The following PUF60 variants were observed in gnomAD, a reference collection of about 807,000 sequenced individuals.
The protein encoded by PUF60 is poly(U) binding splicing factor 60.
A neutral mutation model predicts 61.8 loss-of-function variants in PUF60; 10 were observed. That is an observed-to-expected ratio of 0.16 (90% CI 0.10 to 0.27). The LOEUF (loss-of-function observed/expected upper bound fraction) is 0.27, where lower values mean the gene tolerates loss of function less well. Among genes scored for constraint, PUF60 ranks in the 10% least tolerant of loss-of-function variants. The pLI is 1.00. For missense variants in PUF60, 371 were observed against 754.0 expected, an observed-to-expected ratio of 0.49 and a Z score of 5.95; for synonymous variants, 353 against 300.9, an observed-to-expected ratio of 1.17 and a Z score of -1.79.
intron 1 of PUF60, among the ~76,000 whole-genome samples, chr8:143,826,403 G>GA (rs762924922): frequency 1.9e-3 from 293 of 152,054 alleles, no homozygotes; most frequent in Non-Finnish European, 3.1e-3. Context: ...CTGTCTCTAT[G>GA]AAAAAAAAGA....
intron 1 of PUF60, chr8:143,829,045 C>CCCCCG (rs1228159479): frequency 5.3e-5 from 54 of 1,010,702 alleles, no homozygotes; most frequent in Admixed American, 2.9e-4. Context: ...CGCGCCCAGG[C>CCCCCG]CCCCGCCCCG....
At chr8:143,816,859 G>A (rs368361756) in intron 11 of PUF60, 40 bp from the exon 12 acceptor site, 74 of 1,597,762 alleles carry the variant, frequency 4.6e-5, no homozygotes, top group East Asian at 2.7e-4. Flanking sequence ...TGAGCACTGC[G>A]GCCCCGCCCC....
chr8:143,829,045 C>CCCCG, intron 1 of PUF60: 1 of 1,010,702 alleles, frequency 9.9e-7, no homozygotes, highest in Non-Finnish European at 1.2e-6. Flanking sequence ...CGCGCCCAGG[C>CCCCG]CCCCGCCCCG....
At chr8:143,825,528 CTTT>C (rs775480061) in intron 1 of PUF60, among the ~76,000 whole-genome samples, 1 of 147,706 alleles carries the variant, frequency 6.8e-6, no homozygotes, top group Non-Finnish European at 1.5e-5. Flanking sequence ...GAGGCTGCCT[CTTT>C]TTTTTTTTTG....
At chr8:143,823,569 T>A (rs1175631260) in intron 2 of PUF60, among the ~76,000 whole-genome samples, 1 of 152,240 alleles carries the variant, frequency 6.6e-6, no homozygotes, top group East Asian at 1.9e-4. Flanking sequence ...GGATCCAAGC[T>A]GCATACCATG....
Position 143,817,481 on chromosome 8 carries a change from G to T in PUF60, c.1009-15C>A, listed in dbSNP as rs1280974715. 3.7e-6 allele frequency: 6 copies of T among 1,609,856 alleles called. No individual in the cohort carries two copies. In the South Asian group the frequency reaches 5.5e-5, roughly 15 times the overall value. The stretch of plus-strand genomic sequence containing the variant: ...GCCACTGCTTCCTGCAACCCAAAAG[G>T]TCACCGTGCTCAGTCCCTGGTCTGG... On this transcript the variant is annotated splice_polypyrimidine_tract_variant and intron_variant, in intron 9 of 11. Transcript: ENST00000526683. This position sits in a 1 kb window ranked among gnomAD's most constrained non-coding sequence, Gnocchi z 7.4.
Position 143,822,135 on chromosome 8 carries a change from G to A in PUF60, c.112-222C>T, listed in dbSNP as rs574725695. Among the ~76,000 whole-genome samples, 15 of 152,184 alleles carry A rather than the reference G, an allele frequency of 9.9e-5. No homozygotes were observed. In the East Asian group the frequency reaches 1.9e-3, roughly 20 times the overall value. ...TGCCCTGGAGGCCCTGGGCCAACCCGAGCAGTTGTGGGGCCCAGGCCACAG... is the reference window on the plus strand; with the variant it reads ...TGCCCTGGAGGCCCTGGGCCAACCCAAGCAGTTGTGGGGCCCAGGCCACAG... On this transcript the variant is annotated intron_variant, in intron 2 of 11. Transcript: ENST00000526683.
intron 1 of PUF60, 200 bp downstream of exon 1, chr8:143,829,080 G>GGCCGGAAGCTGAGGCCGCGAGCCGGCC: frequency 2.8e-6 from 3 of 1,078,820 alleles, no homozygotes; most frequent in Non-Finnish European, 2.2e-6. Flanking sequence ...GGGGTCCGCA[G>GGCCGGAAGCTGAGGCCGCGAGCCGGCC]GCCGGAAGCT....
At chr8:143,826,275 C>A (rs553374520) in intron 1 of PUF60, among the ~76,000 whole-genome samples, 1 of 152,316 alleles carries the variant, frequency 6.6e-6, no homozygotes, top group East Asian at 1.9e-4. Context: ...AAGAGTATTT[C>A]CATCAGAAAA....
intron 2 of PUF60, 50 bp downstream of exon 2, chr8:143,824,263 C>A: frequency 6.8e-7 from 1 of 1,461,080 alleles, no homozygotes. Flanking sequence ...GGCGGGCGGG[C>A]GGGCGGGCAG....
chr8:143,828,241 G>T (rs879470258), intron 1 of PUF60, among the ~76,000 whole-genome samples: 34 of 152,222 alleles, frequency 2.2e-4, no homozygotes, highest in Admixed American at 4.6e-4. Flanking sequence ...CCTGGCAATG[G>T]CAGTCTAAGG....
rs1267319465 is a variant in PUF60 at position 143,817,068 on chromosome 8, G to A, written c.1222C>T (p.Pro408Ser). 2 of 1,611,766 alleles carry A rather than the reference G, an allele frequency of 1.2e-6. No homozygotes were observed. Among genetic ancestry groups the A allele is most frequent in the South Asian group, 1.1e-5 (1 of 90,742 alleles). The change falls in exon 11 of 12, where the codon CCA (proline) becomes TCA (serine). Residue 408 changes from proline to serine, a missense_variant. Pro to Ser is a moderately conservative substitution (Grantham distance 74). Transcript: ENST00000526683. This position sits in a 1 kb window ranked among gnomAD's most constrained non-coding sequence, Gnocchi z 7.4. ...GVVNPILASPPTLGLLEPKKE... is the reference protein window; with the variant it reads ...GVVNPILASPSTLGLLEPKKE... ...TTGGGCTCCAGGAGACCCAGCGTTG[G>A]AGGGCTGGCCAGGATGGGGTTCACC...
chr8:143,827,216 G>A (rs536977604), intron 1 of PUF60: 48 of 364,944 alleles, frequency 1.3e-4, no homozygotes, highest in Admixed American at 8.3e-4. Flanking sequence ...AGCTATGCCA[G>A]GCCATGGCAG....
Position 143,817,196 on chromosome 8 carries a change from C to G in PUF60, c.1145-51G>C. 1 of 1,533,956 alleles carries G rather than the reference C, an allele frequency of 6.5e-7. No homozygotes were observed. The highest frequency in any genetic ancestry group is 1.3e-5 in the South Asian group (1 of 79,572). Reference sequence around the variant, plus strand: ...CAGTCACTCCCTACCACCCCCCTTCCCAGAAAGGCACAGAGCTGGCCTGCC... The same window carrying G: ...CAGTCACTCCCTACCACCCCCCTTCGCAGAAAGGCACAGAGCTGGCCTGCC... On this transcript the variant is annotated intron_variant, in intron 10 of 11. Transcript: ENST00000526683. This position sits in a 1 kb window ranked among gnomAD's most constrained non-coding sequence, Gnocchi z 7.4.
chr8:143,827,514 C>T (rs1453832097), intron 1 of PUF60: 1 of 453,500 alleles, frequency 2.2e-6, no homozygotes, highest in Admixed American at 2.4e-5. Context: ...AGTTCAGCTG[C>T]TCCATTCAAC....
Position 143,818,221 on chromosome 8 carries a change from G to T in PUF60, c.575C>A (p.Ser192Ter). Residue 192 changes from serine to a stop codon, truncating the protein, a stop_gained, in exon 7 of 12, where the codon TCG (serine) becomes TAG (stop). Transcript: ENST00000526683. LOFTEE classifies it high-confidence loss of function. The surrounding 1 kb of genome is among the most constrained non-coding windows in gnomAD (Gnocchi z 7.9). ...GATGTTCCTGCCCCCCAGCATCACC[G>T]AGTTCATCTGCTCCAAGGCCAGCTG... ...AAQLALEQMNSVMLGGRNIKV... is the reference protein window; with the variant it reads ...AAQLALEQMN 6.2e-7 allele frequency: 1 copy of T among 1,611,558 alleles called. No individual in the cohort carries two copies. The highest frequency in any genetic ancestry group is 2.2e-5 in the East Asian group (1 of 44,794).
At position 143,817,258 on chromosome 8, in the gene PUF60, AGGCAGCTGAG is replaced by A. The variant is rs1453511767; in HGVS notation, c.1144+63_1144+72del. ...GGGTTGTGCCCAGACCACCAGGGCCAGGCAGCTGAGGGCAGCGAGCCGAGAGATGCCAGGA... is the reference window on the plus strand; with the variant it reads ...GGGTTGTGCCCAGACCACCAGGGCCAGGCAGCGAGCCGAGAGATGCCAGGA... On this transcript the variant is annotated intron_variant, in intron 10 of 11. Transcript: ENST00000526683. This position sits in a 1 kb window ranked among gnomAD's most constrained non-coding sequence, Gnocchi z 7.4. The A allele has an allele frequency of 5.2e-6, 8 of 1,535,746 alleles. No individual in the cohort carries two copies. The highest frequency in any genetic ancestry group is 2.3e-5 in the East Asian group (1 of 43,830).
chr8:143,821,366 GC>G, intron 4 of PUF60: 1 of 599,436 alleles, frequency 1.7e-6, no homozygotes, highest in East Asian at 2.8e-5. Context: ...CAGCCAAGCA[GC>G]CAAGAAAGGG....
intron 2 of PUF60, chr8:143,822,428 A>T: frequency 2.2e-6 from 1 of 452,278 alleles, no homozygotes; most frequent in Middle Eastern, 3.3e-4. Context: ...AGGAGCTAAT[A>T]CAAGGGCCTC....
Sources: allele counts gnomAD v4.1 joint callset (sites outside exome capture counted in the v4.1 genomes callset), GRCh38; gene constraint gnomAD v4.1.1; non-coding constraint Gnocchi (gnomAD v3.1); transcripts MANE v1.5; gene names NCBI Gene and HGNC (gene_info 2026-07-23, HGNC 2026-07-21).